The following CCSER2 variants were observed in gnomAD, a reference collection of about 807,000 sequenced individuals.
CCSER2 encodes serine-rich coiled-coil domain-containing protein 2.
In CCSER2, 46 loss-of-function variants were observed where a neutral mutation model predicts 92.3. The ratio of observed to expected loss-of-function variants is 0.50; its 90% confidence interval spans 0.39 to 0.64. The LOEUF is 0.64. CCSER2 is among the 30% of genes least tolerant of loss of function. The probability of loss-of-function intolerance (pLI) is 0.00; values close to 1 mark genes in which losing one functional copy is unlikely to be tolerated. For synonymous variants in CCSER2, 433 were observed against 431.4 expected (o/e 1.00, Z -0.04); for missense variants, 1,244 against 1,238.9 (o/e 1.00, Z -0.06).
rs1036193892 is a variant in CCSER2, at chr10:84,502,651, G to A, written c.2326-10798G>A. 2.0e-4 allele frequency among the ~76,000 whole-genome samples: 30 copies of A among 152,016 alleles called. 1 individual carries two copies. The highest frequency in any genetic ancestry group is 1.6e-3 in the Admixed American group (25 of 15,274). On this transcript the variant is annotated intron_variant, in intron 9 of 9. Coordinates refer to ENST00000372088, the MANE Select transcript of CCSER2 (RefSeq NM_001284240.2). Reference sequence around the variant, plus strand: ...CTCCCAAAGTGCTGGGATTACAGGCGTGAGCCACCACGCTCGGCCTCTTTG... The same window carrying A: ...CTCCCAAAGTGCTGGGATTACAGGCATGAGCCACCACGCTCGGCCTCTTTG...
At chr10:84,442,035 C>T (rs1445461827) in intron 6 of CCSER2, among the ~76,000 whole-genome samples, 3 of 152,018 alleles carry the variant, frequency 2.0e-5, no homozygotes, top group Non-Finnish European at 2.9e-5. Context: ...GGATTACAGG[C>T]GTGAACCACC....
chr10:84,465,223 G>A (rs2133679018), intron 7 of CCSER2, among the ~76,000 whole-genome samples: 1 of 135,192 alleles, frequency 7.4e-6, no homozygotes, highest in Admixed American at 7.9e-5. Context: ...AAGCAAAGTT[G>A]ACCTCTTTCC....
chr10:84,419,066 A>C (rs1843011835), intron 4 of CCSER2, among the ~76,000 whole-genome samples: 1 of 152,330 alleles, frequency 6.6e-6, no homozygotes, highest in Admixed American at 6.5e-5. Context: ...TAAGATTTAC[A>C]GAAGTTTCCA....
intron 6 of CCSER2, chr10:84,456,078 GA>G (rs1845599052): frequency 2.5e-6 from 1 of 406,298 alleles, no homozygotes; most frequent in African/African-American, 2.1e-5. Flanking sequence ...TCAGGCCAAA[GA>G]CCCGAGCTGC....
chr10:84,370,645 A>G (rs989577470), intron 1 of CCSER2, among the ~76,000 whole-genome samples: 12 of 151,932 alleles, frequency 7.9e-5, no homozygotes, highest in Non-Finnish European at 1.0e-4. Context: ...GTGGCTTTCC[A>G]TATGTTCTTA....
intron 1 of CCSER2, among the ~76,000 whole-genome samples, chr10:84,360,619 CA>C (rs1214106886): frequency 1.3e-5 from 2 of 148,260 alleles, no homozygotes; most frequent in East Asian, 3.9e-4. Context: ...ATGTCTCAGT[CA>C]ACCCCTTTTC....
chr10:84,358,153 A>G (rs966120973), intron 1 of CCSER2, among the ~76,000 whole-genome samples: 4 of 152,190 alleles, frequency 2.6e-5, no homozygotes, highest in African/African-American at 7.2e-5. Context: ...TAAAGTTAGC[A>G]TGGAGTTTAA....
intron 5 of CCSER2, among the ~76,000 whole-genome samples, chr10:84,433,308 G>A (rs757342244): frequency 8.6e-5 from 13 of 152,040 alleles, no homozygotes; most frequent in African/African-American, 2.2e-4. Context: ...ATAAAAATAC[G>A]TACATTTAAC....
rs1283689282 is a variant in CCSER2, at chr10:84,371,297, C to T, written c.245C>T (p.Pro82Leu). 5 of 1,613,336 alleles carry T rather than the reference C, an allele frequency of 3.1e-6. No individual in the cohort carries two copies. Among genetic ancestry groups the T allele is most frequent in the Non-Finnish European group, 4.2e-6 (5 of 1,179,756 alleles). The stretch of plus-strand genomic sequence containing the variant: ...CTTTGTGCACAAGGTGTCGAAGAGC[C>T]TAACAATACTCAAAATTCACATGAT... ...YQLCAQGVEE[P>L]NNTQNSHDKI... is the part of the protein sequence containing the mutation. Residue 82 changes from proline (P) to leucine (L), a missense_variant, in exon 2 of 10, where the codon CCT becomes CTT. Transcript: ENST00000372088.
At chr10:84,460,062 A>G (rs992270914) in intron 6 of CCSER2, among the ~76,000 whole-genome samples, 3 of 140,836 alleles carry the variant, frequency 2.1e-5, no homozygotes, top group African/African-American at 7.8e-5. Flanking sequence ...TTCCCTTTTT[A>G]CATATTGTTG....
chr10:84,374,517 C>T (rs1158503251), intron 3 of CCSER2, among the ~76,000 whole-genome samples: 2 of 152,108 alleles, frequency 1.3e-5, no homozygotes, highest in Non-Finnish European at 2.9e-5. Flanking sequence ...CTTGCATTGG[C>T]CTGCAGGCAA....
intron 1 of CCSER2, among the ~76,000 whole-genome samples, chr10:84,364,425 A>G (rs1479576476): frequency 6.6e-6 from 1 of 152,198 alleles, no homozygotes; most frequent in Non-Finnish European, 1.5e-5. Flanking sequence ...TCATGAAGGC[A>G]GTTTTCATTG....
rs1846241699 is a variant in CCSER2 at position 84,463,874 on chromosome 10, A to G, written c.2065-59A>G. The stretch of plus-strand genomic sequence containing the variant: ...ATTTGGTCTGGGTAAATTCAGGTTG[A>G]ACTGAATGTCCACAATTACTATATT... On this transcript the variant is annotated intron_variant, in intron 6 of 9. Transcript: ENST00000372088. The G allele has an allele frequency of 5.9e-6, 7 of 1,176,728 alleles. No homozygotes were observed. In the East Asian group the frequency reaches 1.7e-4, roughly 28 times the overall value. The allele number at this position is 1,176,728 out of a possible 1,614,324, so 72.9% of individuals were successfully genotyped here.
At chr10:84,480,919 A>G (rs1847420764) in intron 9 of CCSER2, among the ~76,000 whole-genome samples, 1 of 152,224 alleles carries the variant, frequency 6.6e-6, no homozygotes, top group African/African-American at 2.4e-5. Flanking sequence ...AACCAAAATG[A>G]AGAAATGCAT....
In CCSER2 at chr10:84,409,087, T is replaced by A. The variant is rs1391847976; in HGVS notation, c.1615-8684T>A. On this transcript the variant is annotated intron_variant, in intron 3 of 9. Coordinates refer to ENST00000372088, the MANE Select transcript of CCSER2 (RefSeq NM_001284240.2). ...CTCACTGCAACCTCCACCTCCCGGG[T>A]TCAAGAGATTCTCCTGCCTCAGCCT... Among the ~76,000 whole-genome samples, 6 of 152,024 alleles carry A rather than the reference T, an allele frequency of 3.9e-5. No individual in the cohort carries two copies. In the South Asian group the frequency reaches 1.2e-3, roughly 32 times the overall value.
At chr10:84,428,367 C>G (rs779050554) in intron 5 of CCSER2, among the ~76,000 whole-genome samples, 1 of 152,140 alleles carries the variant, frequency 6.6e-6, no homozygotes, top group Non-Finnish European at 1.5e-5. Context: ...CTATGAGAAT[C>G]TAATGCTGCC....
rs530646244 is a variant in CCSER2 at position 84,430,637 on chromosome 10, T to C, written c.1868+4744T>C. Among the ~76,000 whole-genome samples, 12 of 152,318 alleles carry C rather than the reference T, an allele frequency of 7.9e-5. No individual in the cohort carries two copies. The South Asian group carries it at 2.3e-3, about 29-fold the overall frequency. ...TTGTCCCCCAATCTCTAGTGACTGC[T>C]GGATTTCATAGCTGCCATGCTTGTT... On this transcript the variant is annotated intron_variant, in intron 5 of 9. Coordinates refer to ENST00000372088, the MANE Select transcript of CCSER2 (RefSeq NM_001284240.2).
At chr10:84,337,077 T>TA (rs1220163348) in intron 1 of CCSER2, among the ~76,000 whole-genome samples, 3 of 152,130 alleles carry the variant, frequency 2.0e-5, no homozygotes, top group Non-Finnish European at 4.4e-5. Flanking sequence ...TGAGTGGAGA[T>TA]ATGGTGAAGA....
At chr10:84,474,613 A>G (rs893754309) in intron 8 of CCSER2, among the ~76,000 whole-genome samples, 33 of 148,732 alleles carry the variant, frequency 2.2e-4, no homozygotes, top group Admixed American at 1.9e-3. Flanking sequence ...GTGAGCCAAG[A>G]TCGCGTGCCA....
Sources: gnomAD v4.1 joint callset for allele counts (sites outside exome capture counted in the v4.1 genomes callset) on GRCh38, gnomAD v4.1.1 for gene constraint, MANE v1.5 for transcripts, NCBI Gene and HGNC (gene_info 2026-07-23, HGNC 2026-07-21) for gene names.